The following RFTN2 variants were observed in gnomAD, a reference collection of about 807,000 sequenced individuals.
RFTN2 encodes raftlin family member 2.
A neutral mutation model predicts 52.7 loss-of-function variants in RFTN2; 34 were observed. That is an observed-to-expected ratio of 0.64 (90% confidence interval 0.49 to 0.86). The LOEUF is 0.86. RFTN2 is among the 40% of genes least tolerant of loss of function. The pLI, the probability that RFTN2 is intolerant of heterozygous loss-of-function variation, is 0.00. For synonymous variants in RFTN2, 203 were observed against 217.7 expected (o/e 0.93, Z 0.59); for missense variants, 536 against 600.1 (o/e 0.89, Z 1.12).
chr2:197,665,516 C>CTTTTTTTTTTTTTTTTT, intron 1 of RFTN2, among the ~76,000 whole-genome samples: 2 of 22,516 alleles, frequency 8.9e-5, no homozygotes, highest in Admixed American at 3.4e-4. Context: ...ATGTACCTTG[C>CTTTTTTTTTTTTTTTTT]CTTTTTTTTT....
At chr2:197,600,588 C>T (rs1287156350) in intron 7 of RFTN2, among the ~76,000 whole-genome samples, 1 of 152,116 alleles carries the variant, frequency 6.6e-6, no homozygotes, top group Non-Finnish European at 1.5e-5. Context: ...CCTTATGGTT[C>T]TCAGTGGTTC....
intron 7 of RFTN2, among the ~76,000 whole-genome samples, chr2:197,596,394 C>T (rs562490964): frequency 1.1e-4 from 17 of 152,210 alleles, no homozygotes; most frequent in Admixed American, 9.8e-4. Context: ...TAGTCTTTAT[C>T]AGCTTGTGTA....
intron 7 of RFTN2, among the ~76,000 whole-genome samples, chr2:197,612,881 A>G (rs1474362977): frequency 6.6e-6 from 1 of 152,212 alleles, no homozygotes; most frequent in Non-Finnish European, 1.5e-5. Flanking sequence ...AAGAGTAGGG[A>G]GAATGTTGAA....
intron 8 of RFTN2, among the ~76,000 whole-genome samples, chr2:197,577,727 G>T (rs1180614848): frequency 1.3e-5 from 2 of 152,082 alleles, no homozygotes; most frequent in Non-Finnish European, 2.9e-5. Flanking sequence ...AGGCTGGAGT[G>T]CAGTAGCACA....
intron 7 of RFTN2, among the ~76,000 whole-genome samples, chr2:197,613,177 T>C (rs1221657968): frequency 6.6e-6 from 1 of 152,218 alleles, no homozygotes; most frequent in Non-Finnish European, 1.5e-5. Context: ...CAGGCCAAGC[T>C]ACCATCCCTG....
chr2:197,640,744 C>G (rs144930737), intron 3 of RFTN2, among the ~76,000 whole-genome samples: 2 of 152,054 alleles, frequency 1.3e-5, no homozygotes, highest in Admixed American at 6.5e-5. Context: ...CCTATTCGGC[C>G]ATCTTGGCTC....
rs78245579 is a variant in RFTN2, at chr2:197,577,355, C to T, written c.1234-5075G>A. 3.3e-3 allele frequency among the ~76,000 whole-genome samples: 503 copies of T among 152,344 alleles called. 8 individuals are homozygous for T. The highest frequency in any genetic ancestry group is 0.012 in the African/African-American group (482 of 41,576). On this transcript the variant is annotated intron_variant, in intron 8 of 8. Coordinates refer to ENST00000295049, the MANE Select transcript of RFTN2 (RefSeq NM_144629.3). ...CAACAATGGCCCACCTTCGTGGCCC[C>T]AAGTTAGACACAGTTTGGTGGTTGT...
chr2:197,595,804 T>C (rs181385480), intron 8 of RFTN2, among the ~76,000 whole-genome samples, 187 bp downstream of exon 8: 3 of 152,384 alleles, frequency 2.0e-5, no homozygotes, highest in East Asian at 1.9e-4. Context: ...TATTTTGTGA[T>C]GGCATATTAT....
intron 4 of RFTN2, among the ~76,000 whole-genome samples, chr2:197,632,989 T>C (rs1008704326): frequency 6.6e-6 from 1 of 152,176 alleles, no homozygotes; most frequent in Non-Finnish European, 1.5e-5. Flanking sequence ...CTATTACCCC[T>C]TTTTATAAAG....
intron 7 of RFTN2, among the ~76,000 whole-genome samples, chr2:197,605,978 T>G (rs928658378): frequency 8.5e-5 from 13 of 152,144 alleles, no homozygotes; most frequent in African/African-American, 3.1e-4. Flanking sequence ...AGTCAACTCT[T>G]TTTTCATTAT....
intron 1 of RFTN2, among the ~76,000 whole-genome samples, chr2:197,668,642 G>A (rs1444523820): frequency 1.3e-5 from 2 of 152,128 alleles, no homozygotes; most frequent in Non-Finnish European, 2.9e-5. Context: ...TTGTGCCTCA[G>A]TCATAGGGCA....
chr2:197,616,277 T>TATTTTATTTTTTTTATTTTATTC (rs2088141285), intron 6 of RFTN2, among the ~76,000 whole-genome samples: 1 of 66,252 alleles, frequency 1.5e-5, no homozygotes, highest in African/African-American at 6.8e-5. Flanking sequence ...GCATTTTATT[T>TATTTTATTTTTTTTATTTTATTC]TATTTTATTT....
chr2:197,674,623 A>C (rs1017440423), intron 1 of RFTN2, among the ~76,000 whole-genome samples: 1 of 152,116 alleles, frequency 6.6e-6, no homozygotes, highest in African/African-American at 2.4e-5. Flanking sequence ...AGTACTCTAA[A>C]GTTTCCAAAA....
intron 3 of RFTN2, among the ~76,000 whole-genome samples, chr2:197,640,203 G>T (rs1485060763): frequency 6.6e-6 from 1 of 152,196 alleles, no homozygotes; most frequent in Non-Finnish European, 1.5e-5. Flanking sequence ...TCTGTGCCCT[G>T]CCCCCAGAGG....
rs374273800 is a variant in RFTN2, at chr2:197,600,783, A to C, written c.1155-4714T>G. Among the ~76,000 whole-genome samples, 4 of 152,348 alleles carry C rather than the reference A, an allele frequency of 2.6e-5. No individual in the cohort carries two copies. The East Asian group carries it at 7.7e-4, about 29-fold the overall frequency. ...CTGTTAGTTAAGTAAGTGACTTAGT[A>C]TCTTCCTGAGAGGGATTTAAGAATC... is the stretch of plus-strand genomic sequence containing the variant. On this transcript the variant is annotated intron_variant, in intron 7 of 8. Transcript: ENST00000295049.
intron 5 of RFTN2, among the ~76,000 whole-genome samples, chr2:197,623,671 T>C (rs1325044797): frequency 1.3e-5 from 2 of 151,938 alleles, no homozygotes; most frequent in African/African-American, 4.8e-5. Flanking sequence ...TTATTATTTA[T>C]TTATTTATTT....
chr2:197,649,258 T>C (rs2088793655), intron 1 of RFTN2, among the ~76,000 whole-genome samples: 1 of 152,174 alleles, frequency 6.6e-6, no homozygotes, highest in South Asian at 2.1e-4. Context: ...GTTAAGAACA[T>C]ACTGAGAATC....
intron 5 of RFTN2, among the ~76,000 whole-genome samples, chr2:197,629,883 C>T (rs899805580): frequency 1.3e-4 from 19 of 151,916 alleles, no homozygotes; most frequent in African/African-American, 9.7e-5. Context: ...GCCACCATGC[C>T]TGACTAACGT....
At chr2:197,615,326 C>T (rs1004459171) in intron 7 of RFTN2, among the ~76,000 whole-genome samples, 1 of 152,174 alleles carries the variant, frequency 6.6e-6, no homozygotes, top group African/African-American at 2.4e-5. Flanking sequence ...GATGCCAAAG[C>T]GGGCAGAGGA....
Sources: allele counts gnomAD v4.1 joint callset (sites outside exome capture counted in the v4.1 genomes callset), GRCh38; gene constraint gnomAD v4.1.1; transcripts MANE v1.5; gene names NCBI Gene and HGNC (gene_info 2026-07-23, HGNC 2026-07-21).